COPG2: variants seen among roughly 807,000 people sequenced by gnomAD.
COPG2 encodes coatomer subunit gamma-2.
Under a neutral mutation model 46.3 loss-of-function variants are expected in COPG2, and 37 were observed. The observed-to-expected ratio is 0.80, with a 90% CI of 0.61 to 1.05. COPG2 has a LOEUF of 1.05. Ranked by LOEUF, COPG2 falls within the 50% of genes least tolerant of loss-of-function variation. The pLI, the probability that COPG2 is intolerant of heterozygous loss-of-function variation, is 0.00. For synonymous variants in COPG2, 159 were observed against 129.7 expected (o/e 1.23, Z -1.53); for missense variants, 427 against 387.8 (o/e 1.10, Z -0.85).
At chr7:130,603,126 C>T (rs1554450614) in intron 9 of COPG2, among the ~76,000 whole-genome samples, 2 of 152,128 alleles carry the variant, frequency 1.3e-5, no homozygotes, top group African/African-American at 4.8e-5. Flanking sequence ...TCTGGTGTTA[C>T]ACATGACAGT....
At chr7:130,630,400 T>C (rs1404326453) in intron 5 of COPG2, among the ~76,000 whole-genome samples, 3 of 152,210 alleles carry the variant, frequency 2.0e-5, no homozygotes, top group African/African-American at 7.2e-5. Flanking sequence ...ATATTGATCT[T>C]GTATTCTGCA....
chr7:130,636,956 G>T (rs1352373560), intron 5 of COPG2, among the ~76,000 whole-genome samples: 1 of 152,112 alleles, frequency 6.6e-6, no homozygotes, highest in Non-Finnish European at 1.5e-5. Context: ...TCTCTGTAAA[G>T]GATTTTATTT....
chr7:130,639,954 C>A (rs538671278), intron 5 of COPG2, among the ~76,000 whole-genome samples: 1 of 152,046 alleles, frequency 6.6e-6, no homozygotes, highest in Non-Finnish European at 1.5e-5. Flanking sequence ...GCTTTTCCCC[C>A]ACTCTTCACC....
intron 14 of COPG2, among the ~76,000 whole-genome samples, chr7:130,554,078 G>A (rs1156831392): frequency 6.6e-6 from 1 of 152,204 alleles, no homozygotes; most frequent in Admixed American, 6.5e-5. Context: ...TATAGAGTCA[G>A]TAGCTAGTGA....
intron 9 of COPG2, among the ~76,000 whole-genome samples, chr7:130,597,318 C>T (rs549224386): frequency 1.3e-5 from 2 of 152,286 alleles, no homozygotes; most frequent in Middle Eastern, 3.4e-3. Flanking sequence ...GTATCTTTTT[C>T]GATGTCTGAT....
chr7:130,508,427 A>G, intron 21 of COPG2, 135 bp downstream of exon 21: 1 of 610,674 alleles, frequency 1.6e-6, no homozygotes, highest in South Asian at 2.0e-5. Flanking sequence ...GGTCCTCCTA[A>G]TTTGTCATCT....
intron 9 of COPG2, among the ~76,000 whole-genome samples, chr7:130,567,031 A>T (rs1375426805): frequency 6.6e-6 from 1 of 152,240 alleles, no homozygotes; most frequent in Non-Finnish European, 1.5e-5. Context: ...AAGAAAACGT[A>T]GTACATATAC....
chr7:130,628,909 A>G (rs1264445831), intron 5 of COPG2, among the ~76,000 whole-genome samples: 2 of 152,180 alleles, frequency 1.3e-5, no homozygotes, highest in East Asian at 3.9e-4. Context: ...TTAGTCAGGC[A>G]TAGTAGTGTT....
intron 20 of COPG2, among the ~76,000 whole-genome samples, chr7:130,518,454 G>A (rs1799697184): frequency 6.6e-6 from 1 of 152,178 alleles, no homozygotes; most frequent in African/African-American, 2.4e-5. Flanking sequence ...TTTATTTGGT[G>A]AGAAGATGAT....
intron 4 of COPG2, among the ~76,000 whole-genome samples, chr7:130,660,103 T>C (rs1415334324): frequency 6.6e-6 from 1 of 152,198 alleles, no homozygotes. Flanking sequence ...CACGTATTTC[T>C]GGCAAAATCT....
chr7:130,522,765 G>C (rs1376763211), intron 20 of COPG2, among the ~76,000 whole-genome samples: 1 of 152,004 alleles, frequency 6.6e-6, no homozygotes, highest in Non-Finnish European at 1.5e-5. Flanking sequence ...AAAAGCACAT[G>C]AAAGAAGTAG....
chr7:130,627,238 G>T (rs1795135315), intron 5 of COPG2, among the ~76,000 whole-genome samples: 1 of 152,188 alleles, frequency 6.6e-6, no homozygotes, highest in East Asian at 1.9e-4. Flanking sequence ...GGGAAAAGAA[G>T]TCAGGCTGGC....
chr7:130,634,966 AT>A, intron 5 of COPG2, among the ~76,000 whole-genome samples: 1 of 151,496 alleles, frequency 6.6e-6, no homozygotes, highest in Middle Eastern at 3.4e-3. Flanking sequence ...TATTGAGATA[AT>A]CATGTGGTTT....
At chr7:130,568,416 A>C (rs1793840435) in intron 9 of COPG2, among the ~76,000 whole-genome samples, 2 of 152,240 alleles carry the variant, frequency 1.3e-5, no homozygotes, top group Non-Finnish European at 2.9e-5. Context: ...AGTAGCTATT[A>C]TATCAGACAA....
Position 130,527,561 on chromosome 7 carries a change from G to A in COPG2, c.2150-18902C>T, listed in dbSNP as rs1028024026. ...GCAGTGTTCAGCTCAGAAAAAGTAA[G>A]GGGAAAAAAAAGCAATCTCTAAAAG... On this transcript the variant is annotated intron_variant, in intron 20 of 23. Transcript: ENST00000425248. Among the ~76,000 whole-genome samples the A allele has an allele frequency of 7.7e-3, 1,176 of 151,926 alleles. 7 individuals carry two copies. Among genetic ancestry groups the A allele is most frequent in the South Asian group, 0.016 (77 of 4,806 alleles).
intron 20 of COPG2, among the ~76,000 whole-genome samples, chr7:130,546,057 T>C (rs2116378379): frequency 6.6e-6 from 1 of 152,300 alleles, no homozygotes; most frequent in South Asian, 2.1e-4. Context: ...GGCAAGGGAT[T>C]GATTCTTCAA....
intron 9 of COPG2, chr7:130,603,844 T>C (rs781843918): frequency 1.5e-5 from 8 of 519,112 alleles, no homozygotes; most frequent in Non-Finnish European, 3.1e-5. Flanking sequence ...TAGCTGCAAA[T>C]TCACATGTAA....
At position 130,509,712 on chromosome 7, in the gene COPG2, CTCTAGGAGCTG is replaced by C. The variant is rs782302653; in HGVS notation, c.2150-1064_2150-1054del. 30 of 519,512 alleles carry C rather than the reference CTCTAGGAGCTG, an allele frequency of 5.8e-5. No individual in the cohort carries two copies. The Admixed American group carries it at 5.8e-4, about 10-fold the overall frequency. 32.2% of individuals were successfully genotyped at this position (519,512 alleles called of 1,614,324 possible). ...AAGATGACTGAGACATGATCTCTGT[CTCTAGGAGCTG>C]TCTAGGAGTTAAATAAGTGTGTGGG... On this transcript the variant is annotated intron_variant, in intron 20 of 23. Transcript: ENST00000425248.
chr7:130,532,576 G>A (rs978923427), intron 20 of COPG2, among the ~76,000 whole-genome samples: 56 of 152,094 alleles, frequency 3.7e-4, no homozygotes, highest in Admixed American at 1.2e-3. Context: ...GAGGAGGGTG[G>A]GGGGAGATAA....
Sources: gnomAD v4.1 joint callset for allele counts (sites outside exome capture counted in the v4.1 genomes callset) on GRCh38, gnomAD v4.1.1 for gene constraint, MANE v1.5 for transcripts, NCBI Gene and HGNC (gene_info 2026-07-23, HGNC 2026-07-21) for gene names.